Variants in UVRAG observed in about 807,000 individuals in gnomAD.
The protein encoded by UVRAG is UV radiation resistance-associated gene protein.
In UVRAG, 19 loss-of-function variants were observed where a neutral mutation model predicts 78.0. The ratio of observed to expected loss-of-function variants is 0.24; its 90% CI spans 0.17 to 0.36. The LOEUF (loss-of-function observed/expected upper bound fraction) is 0.36, where lower values mean the gene tolerates loss of function less well. Ranked by LOEUF, UVRAG falls within the 10% of genes least tolerant of loss-of-function variation. UVRAG has a pLI of 1.00. For missense variants in UVRAG, 740 were observed against 853.8 expected, an observed-to-expected ratio of 0.87 and a Z score of 1.66; for synonymous variants, 323 against 324.6, an observed-to-expected ratio of 1.00 and a Z score of 0.05.
At position 76,007,930 on chromosome 11, in the gene UVRAG, C is replaced by T. The variant is rs933495042; in HGVS notation, c.999+309C>T. On this transcript the variant is annotated intron_variant, in intron 10 of 14. Transcript: ENST00000356136. The stretch of plus-strand genomic sequence containing the variant: ...TATCACCACTTTTTTTTTTTTGAGA[C>T]GGAGTTTCGCTCTGTCACCCAGGCT... Among the ~76,000 whole-genome samples, 30 of 150,674 alleles carry T rather than the reference C, an allele frequency of 2.0e-4. No individual in the cohort carries two copies. The East Asian group carries it at 2.1e-3, about 11-fold the overall frequency.
intron 11 of UVRAG, chr11:76,013,168 TA>T (rs1420136816): frequency 6.6e-6 from 1 of 152,148 alleles, no homozygotes; most frequent in Non-Finnish European, 1.5e-5. Context: ...GTCCAACATA[TA>T]AATCAAAGGA....
intron 8 of UVRAG, among the ~76,000 whole-genome samples, chr11:75,997,603 C>T (rs993499775): frequency 3.7e-4 from 57 of 152,126 alleles, no homozygotes; most frequent in Non-Finnish European, 7.9e-4. Flanking sequence ...AAGAATGAAA[C>T]CATGGTAATG....
chr11:75,919,393 T>C (rs1409558020), intron 6 of UVRAG, among the ~76,000 whole-genome samples: 1 of 152,222 alleles, frequency 6.6e-6, no homozygotes, highest in East Asian at 1.9e-4. Context: ...TGTATGCTTA[T>C]TTTAAGTAAG....
chr11:75,886,062 T>C (rs1049973432), intron 4 of UVRAG, among the ~76,000 whole-genome samples: 1 of 152,102 alleles, frequency 6.6e-6, no homozygotes, highest in Non-Finnish European at 1.5e-5. Context: ...AGAGTAGGGG[T>C]ACCAGGGCTG....
intron 12 of UVRAG, among the ~76,000 whole-genome samples, chr11:76,018,361 T>C (rs1428570405): frequency 6.6e-6 from 1 of 152,174 alleles, no homozygotes; most frequent in Non-Finnish European, 1.5e-5. Flanking sequence ...GAAAAATCAT[T>C]TGATTGCTAA....
chr11:75,950,428 T>G (rs751563943), intron 6 of UVRAG, among the ~76,000 whole-genome samples: 2 of 152,088 alleles, frequency 1.3e-5, no homozygotes, highest in Non-Finnish European at 2.9e-5. Context: ...GCTAATTTAA[T>G]TTTTTTAGCG....
chr11:76,116,051 A>T, intron 14 of UVRAG, 36 bp downstream of exon 14: 1 of 1,585,994 alleles, frequency 6.3e-7, no homozygotes. Context: ...AGAAACTGTA[A>T]TGTGGATAGG....
intron 6 of UVRAG, among the ~76,000 whole-genome samples, chr11:75,943,390 G>C (rs1485277637): frequency 6.7e-6 from 1 of 149,260 alleles, no homozygotes; most frequent in African/African-American, 2.5e-5. Context: ...TCTGTAGTTT[G>C]TTTTGTTTAT....
chr11:76,062,167 C>A (rs780687218), intron 12 of UVRAG, among the ~76,000 whole-genome samples: 9 of 152,140 alleles, frequency 5.9e-5, no homozygotes, highest in Non-Finnish European at 1.0e-4. Flanking sequence ...TTTGTCTCAC[C>A]TCTGTGTTTC....
rs1952765121 is a variant in UVRAG at position 76,143,948 on chromosome 11, A to G, written c.*2535A>G. 1.3e-5 allele frequency among the ~76,000 whole-genome samples: 2 copies of G among 152,200 alleles called. No homozygotes were observed. Among genetic ancestry groups the G allele is most frequent in the South Asian group, 4.1e-4 (2 of 4,826 alleles). Reference sequence around the variant, plus strand: ...CTGAGACACTTTTAAACAGCGGGCAAATGTTATCAAATGAATATTTGATTG... The same window carrying G: ...CTGAGACACTTTTAAACAGCGGGCAGATGTTATCAAATGAATATTTGATTG... On this transcript the variant is annotated 3_prime_UTR_variant, in exon 15 of 15. Coordinates refer to ENST00000356136, the MANE Select transcript of UVRAG (RefSeq NM_003369.4).
chr11:76,004,130 T>C (rs775385042), intron 9 of UVRAG, 41 bp downstream of exon 9: 1 of 1,580,634 alleles, frequency 6.3e-7, no homozygotes, highest in East Asian at 2.2e-5. Flanking sequence ...GTGTGGAGTT[T>C]ACTGCGAGGA....
intron 13 of UVRAG, among the ~76,000 whole-genome samples, chr11:76,074,389 A>T (rs539044720): frequency 6.6e-6 from 1 of 152,350 alleles, no homozygotes; most frequent in African/African-American, 2.4e-5. Flanking sequence ...ATGTAGTACA[A>T]GTCAGAAGGC....
At chr11:75,944,059 C>T (rs952562340) in intron 6 of UVRAG, among the ~76,000 whole-genome samples, 13 of 152,136 alleles carry the variant, frequency 8.5e-5, no homozygotes, top group Admixed American at 2.6e-4. Flanking sequence ...TCCAGCCTGC[C>T]TCTCATGATA....
At chr11:75,954,888 G>A (rs965052183) in intron 6 of UVRAG, among the ~76,000 whole-genome samples, 3 of 152,210 alleles carry the variant, frequency 2.0e-5, no homozygotes, top group African/African-American at 7.2e-5. Context: ...GTCAGGAAAG[G>A]CTTTTGAAGA....
chr11:75,850,304 G>A (rs1946126921), intron 1 of UVRAG, among the ~76,000 whole-genome samples: 1 of 152,194 alleles, frequency 6.6e-6, no homozygotes, highest in Admixed American at 6.5e-5. Context: ...GGAAAATCAG[G>A]AAGGGCAGGA....
At chr11:76,006,256 A>C (rs1949935848) in intron 9 of UVRAG, among the ~76,000 whole-genome samples, 2 of 152,142 alleles carry the variant, frequency 1.3e-5, no homozygotes. Flanking sequence ...TTATACTTTG[A>C]TCTACAGTTT....
intron 3 of UVRAG, among the ~76,000 whole-genome samples, chr11:75,877,057 A>T (rs561535831): frequency 1.3e-5 from 2 of 151,346 alleles, no homozygotes; most frequent in East Asian, 3.9e-4. Context: ...ACTCTTAACG[A>T]GCATGCTGCC....
chr11:75,818,311 T>G (rs889091146), intron 1 of UVRAG, among the ~76,000 whole-genome samples: 1 of 152,176 alleles, frequency 6.6e-6, no homozygotes, highest in Non-Finnish European at 1.5e-5. Flanking sequence ...TCATGGAGTA[T>G]CTGTGTATGT....
rs115965545 is a variant in UVRAG, at chr11:75,985,775, C to T, written c.826+2262C>T. ...TAGTCAGTTGACCCAGCACCATTCA[C>T]TGAAGATCATCCTTTCACCATTGCG... On this transcript the variant is annotated intron_variant, in intron 8 of 14. Coordinates refer to ENST00000356136, the MANE Select transcript of UVRAG (RefSeq NM_003369.4). Among the ~76,000 whole-genome samples, 1,404 of 152,224 alleles carry T rather than the reference C, an allele frequency of 9.2e-3. 27 individuals are homozygous for T. The highest frequency in any genetic ancestry group is 0.032 in the African/African-American group (1,311 of 41,546).
Sources: allele counts gnomAD v4.1 joint callset (sites outside exome capture counted in the v4.1 genomes callset), GRCh38; gene constraint gnomAD v4.1.1; transcripts MANE v1.5; gene names NCBI Gene and HGNC (gene_info 2026-07-23, HGNC 2026-07-21).